TTLL1: variants seen among roughly 807,000 people sequenced by gnomAD.
TTLL1 encodes the protein polyglutamylase complex subunit TTLL1.
A neutral mutation model predicts 47.8 loss-of-function variants in TTLL1; 33 were observed. The observed-to-expected ratio is 0.69, with a 90% CI of 0.52 to 0.92. TTLL1 has a LOEUF of 0.92. Ranked by LOEUF, TTLL1 falls within the 40% of genes least tolerant of loss-of-function variation. TTLL1 has a pLI of 0.00. For missense variants in TTLL1, 488 were observed against 547.5 expected (o/e 0.89, Z 1.08); for synonymous variants, 225 against 214.1 (o/e 1.05, Z -0.45).
chr22:43,040,030 G>A (rs1423860610), intron 10 of TTLL1, 125 bp from the exon 11 acceptor site: 18 of 1,328,512 alleles, frequency 1.4e-5, no homozygotes, highest in Non-Finnish European at 7.2e-6. Context: ...CCCCACCCTC[G>A]CGACTCCTGC....
At chr22:43,044,478 A>G (rs1391792878) in intron 10 of TTLL1, among the ~76,000 whole-genome samples, 1 of 152,162 alleles carries the variant, frequency 6.6e-6, no homozygotes, top group African/African-American at 2.4e-5. Flanking sequence ...ACCAGCTACA[A>G]GCCTGACGTC....
intron 8 of TTLL1, among the ~76,000 whole-genome samples, chr22:43,058,246 G>A (rs1037821061): frequency 6.6e-6 from 1 of 152,002 alleles, no homozygotes; most frequent in African/African-American, 2.4e-5. Context: ...GCCCGGCCCC[G>A]GAAATATTAA....
At chr22:43,064,589 G>T (rs1927609970) in intron 5 of TTLL1, among the ~76,000 whole-genome samples, 1 of 152,024 alleles carries the variant, frequency 6.6e-6, no homozygotes, top group Admixed American at 6.6e-5. Flanking sequence ...AGCCCGGTGT[G>T]GTGGTGTGTG....
intron 2 of TTLL1, among the ~76,000 whole-genome samples, chr22:43,077,754 C>A (rs1206013006): frequency 6.6e-6 from 1 of 152,212 alleles, no homozygotes; most frequent in African/African-American, 2.4e-5. Context: ...GCTGCCTCCC[C>A]ACCCTGGCAA....
chr22:43,076,220 C>T (rs1247938570), intron 2 of TTLL1, among the ~76,000 whole-genome samples: 1 of 152,052 alleles, frequency 6.6e-6, no homozygotes, highest in Admixed American at 6.6e-5. Context: ...CTTTGGGAGG[C>T]CGAGGCAGGC....
intron 2 of TTLL1, among the ~76,000 whole-genome samples, chr22:43,078,434 C>A (rs2146989917): frequency 6.6e-6 from 1 of 152,062 alleles, no homozygotes; most frequent in East Asian, 1.9e-4. Context: ...AGGCGGAGGT[C>A]ACAGTGAGCC....
chr22:43,053,660 C>T (rs1423312230), intron 8 of TTLL1, among the ~76,000 whole-genome samples: 2 of 152,192 alleles, frequency 1.3e-5, no homozygotes, highest in Non-Finnish European at 2.9e-5. Context: ...GTCTGCCTCA[C>T]TCTGAGGACA....
chr22:43,077,213 C>T (rs959171995), intron 2 of TTLL1, among the ~76,000 whole-genome samples: 3 of 152,096 alleles, frequency 2.0e-5, no homozygotes, highest in African/African-American at 7.2e-5. Flanking sequence ...CCCAGGTACA[C>T]CTCACACCAC....
intron 3 of TTLL1, among the ~76,000 whole-genome samples, chr22:43,070,696 C>T (rs1285334561): frequency 6.6e-6 from 1 of 152,148 alleles, no homozygotes; most frequent in Non-Finnish European, 1.5e-5. Flanking sequence ...ACCCCCATTG[C>T]CCCACTTCAC....
chr22:43,069,679 A>G lies in TTLL1; in HGVS notation c.279T>C (p.Ser93=), dbSNP rs1410909809. ...RYRKELEKEG[S]PLAEKDENGK... The stretch of plus-strand genomic sequence containing the variant: ...CATTTTCATCTTTTTCTGCCAGAGG[A>G]CTCCCTTCTTTCTCCAGCTCCTTCC... Residue 93 remains serine (S), a synonymous_variant, in exon 4 of 11, where the codon AGT becomes AGC. Transcript: ENST00000266254. 6.2e-7 allele frequency: 1 copy of G among 1,613,634 alleles called. No homozygotes were observed. Among genetic ancestry groups the G allele is most frequent in the East Asian group, 2.2e-5 (1 of 44,870 alleles).
chr22:43,047,609 C>G (rs995845738), intron 9 of TTLL1, among the ~76,000 whole-genome samples: 1 of 152,114 alleles, frequency 6.6e-6, no homozygotes. Context: ...GCTGGGATTA[C>G]AGGCATGCAC....
chr22:43,081,825 G>C (rs1928911173), intron 1 of TTLL1, among the ~76,000 whole-genome samples: 1 of 147,022 alleles, frequency 6.8e-6, no homozygotes, highest in South Asian at 2.1e-4. Flanking sequence ...GGGATTATAG[G>C]CGTGAGCCAT....
intron 6 of TTLL1, 72 bp from the exon 7 acceptor site, chr22:43,063,993 A>G: frequency 6.5e-7 from 1 of 1,543,286 alleles, no homozygotes; most frequent in Non-Finnish European, 8.9e-7. Context: ...CATTCTCTAA[A>G]AAGAGCTGCT....
intron 8 of TTLL1, 58 bp downstream of exon 8, chr22:43,059,326 G>GC (rs1194870033): frequency 2.1e-5 from 32 of 1,560,250 alleles, no homozygotes; most frequent in South Asian, 3.5e-5. Flanking sequence ...AAGACAGCAA[G>GC]CCCCCCCACT....
chr22:43,073,697 G>C (rs1001907401), intron 3 of TTLL1, among the ~76,000 whole-genome samples: 45 of 151,976 alleles, frequency 3.0e-4, no homozygotes, highest in Middle Eastern at 3.2e-3. Flanking sequence ...TCCACTCAAA[G>C]TACTTAACCC....
At chr22:43,078,255 G>A (rs898101510) in intron 2 of TTLL1, among the ~76,000 whole-genome samples, 17 of 152,024 alleles carry the variant, frequency 1.1e-4, no homozygotes, top group African/African-American at 4.1e-4. Flanking sequence ...CAGCACTTTG[G>A]GAGGCTGAGG....
intron 2 of TTLL1, among the ~76,000 whole-genome samples, chr22:43,078,169 G>T (rs1445461243): frequency 3.3e-5 from 5 of 151,986 alleles, no homozygotes; most frequent in African/African-American, 1.2e-4. Context: ...CACCAATGAG[G>T]AAGCTGAGGC....
chr22:43,072,901 G>A lies in TTLL1; in HGVS notation c.113+2573C>T, dbSNP rs185241137. Among the ~76,000 whole-genome samples, 13 of 152,248 alleles carry A rather than the reference G, an allele frequency of 8.5e-5. No individual in the cohort carries two copies. In the East Asian group the frequency reaches 2.1e-3, roughly 25 times the overall value. On this transcript the variant is annotated intron_variant, in intron 3 of 10. Transcript: ENST00000266254. ...GCCCAAGAGTTCTATGCCCTGGCCT[G>A]TGGCCATCTTTAATCTGCCACAAAT...
At position 43,046,495 on chromosome 22, in the gene TTLL1, T is replaced by C. The variant is rs370638617; in HGVS notation, c.1057A>G (p.Asn353Asp). Reference sequence around the variant, plus strand: ...ATTTCACCATTCGGGACGGCGATGTTGAGGGTGTCATTAATCAGGTTGTAC... The same window carrying C: ...ATTTCACCATTCGGGACGGCGATGTCGAGGGTGTCATTAATCAGGTTGTAC... ...LKYNLINDTLNIAVPNGEIPD... is the reference protein window; with the variant it reads ...LKYNLINDTLDIAVPNGEIPD... Residue 353 changes from asparagine to aspartate, a missense_variant, in exon 10 of 11, where the codon AAC becomes GAC. Physicochemically the swap from Asn to Asp is conservative, Grantham distance 23. Transcript: ENST00000266254. 59 of 1,613,952 alleles carry C rather than the reference T, an allele frequency of 3.7e-5. No homozygotes were observed. The highest frequency in any genetic ancestry group is 4.9e-5 in the Non-Finnish European group (58 of 1,180,028).
Sources: allele counts gnomAD v4.1 joint callset (sites outside exome capture counted in the v4.1 genomes callset), GRCh38; gene constraint gnomAD v4.1.1; transcripts MANE v1.5; gene names NCBI Gene and HGNC (gene_info 2026-07-23, HGNC 2026-07-21).